Variants in WDR70 observed in about 807,000 individuals in gnomAD.
WDR70 encodes WD repeat-containing protein 70.
A neutral mutation model predicts 88.6 loss-of-function variants in WDR70; 53 were observed. The observed-to-expected ratio is 0.60, with a 90% CI of 0.48 to 0.75. The LOEUF is 0.75. Among genes scored for constraint, WDR70 ranks in the 30% least tolerant of loss-of-function variants. The pLI is 0.00. For missense variants in WDR70, 610 were observed against 823.2 expected (o/e 0.74, Z 3.17); for synonymous variants, 280 against 270.0 (o/e 1.04, Z -0.36).
At chr5:37,692,054 A>G (rs1746812451) in intron 10 of WDR70, among the ~76,000 whole-genome samples, 1 of 152,210 alleles carries the variant, frequency 6.6e-6, no homozygotes, top group South Asian at 2.1e-4. Flanking sequence ...AATACAAACT[A>G]CCATCAAAGA....
At chr5:37,675,840 A>G (rs1394207330) in intron 10 of WDR70, among the ~76,000 whole-genome samples, 1 of 152,018 alleles carries the variant, frequency 6.6e-6, no homozygotes, top group Non-Finnish European at 1.5e-5. Flanking sequence ...GGCCATTTTC[A>G]CGATATTTAT....
intron 9 of WDR70, among the ~76,000 whole-genome samples, chr5:37,532,539 T>C (rs1410740935): frequency 6.6e-6 from 1 of 152,130 alleles, no homozygotes; most frequent in East Asian, 1.9e-4. Flanking sequence ...CTTCTGCTTG[T>C]TCAGTTCTAT....
intron 8 of WDR70, among the ~76,000 whole-genome samples, chr5:37,503,165 A>AT (rs1740454256): frequency 1.3e-5 from 2 of 151,534 alleles, no homozygotes; most frequent in South Asian, 4.2e-4. Flanking sequence ...TTTTGGTTAC[A>AT]TTTTTTCCTA....
At chr5:37,461,539 A>G (rs1739003815) in intron 7 of WDR70, among the ~76,000 whole-genome samples, 1 of 151,988 alleles carries the variant, frequency 6.6e-6, no homozygotes, top group African/African-American at 2.4e-5. Context: ...GCTGGAGTGC[A>G]GTGGCGCCAT....
intron 10 of WDR70, among the ~76,000 whole-genome samples, chr5:37,664,839 A>G (rs778381762): frequency 3.3e-5 from 5 of 152,256 alleles, no homozygotes; most frequent in Non-Finnish European, 7.3e-5. Flanking sequence ...TTGTTCTTCT[A>G]TAAGATCAGC....
intron 17 of WDR70, among the ~76,000 whole-genome samples, chr5:37,730,598 A>G (rs1183587182): frequency 6.6e-6 from 1 of 152,108 alleles, no homozygotes; most frequent in Non-Finnish European, 1.5e-5. Flanking sequence ...CCATTCTTCT[A>G]TGTAAGGATA....
chr5:37,608,594 C>A (rs1006483771), intron 10 of WDR70, among the ~76,000 whole-genome samples: 11 of 151,184 alleles, frequency 7.3e-5, no homozygotes, highest in African/African-American at 2.7e-4. Context: ...CTCACTCTGT[C>A]ACTCAGGCTA....
rs28839486 is a variant in WDR70, at chr5:37,746,898, C to G, written c.1878-5588C>G. On this transcript the variant is annotated intron_variant, in intron 17 of 17. Coordinates refer to ENST00000265107, the MANE Select transcript of WDR70 (RefSeq NM_018034.4). ...ATTCCAAACAATTGAAAAGGAGGGA[C>G]TCCTCCCTAACTCATTTTATGAAGC... Among the ~76,000 whole-genome samples the G allele has an allele frequency of 3.0e-3, 452 of 152,216 alleles. 1 individual carries two copies. The highest frequency in any genetic ancestry group is 0.011 in the African/African-American group (442 of 41,546).
intron 8 of WDR70, among the ~76,000 whole-genome samples, chr5:37,504,247 T>A (rs1740491874): frequency 6.6e-6 from 1 of 151,584 alleles, no homozygotes; most frequent in Non-Finnish European, 1.5e-5. Flanking sequence ...GTTGATGATA[T>A]TTGAGTGAGT....
rs201727478 is a variant in WDR70, at chr5:37,730,748, T to C, written c.1877+3703T>C. On this transcript the variant is annotated intron_variant, in intron 17 of 17. Coordinates refer to ENST00000265107, the MANE Select transcript of WDR70 (RefSeq NM_018034.4). ...GTATTCCTAAAGTTTTCTCTTTAAT[T>C]GTGAGAAAACTGGATGCTGATTACT... 5.9e-5 allele frequency among the ~76,000 whole-genome samples: 9 copies of C among 152,294 alleles called. No homozygotes were observed. In the East Asian group the frequency reaches 7.7e-4, roughly 13 times the overall value.
intron 7 of WDR70, among the ~76,000 whole-genome samples, chr5:37,455,288 A>C (rs1313518977): frequency 7.2e-6 from 1 of 139,298 alleles, no homozygotes; most frequent in Non-Finnish European, 1.5e-5. Context: ...TCTGTTGCCC[A>C]GGCTGGAGTG....
chr5:37,516,464 T>C, intron 8 of WDR70, 50 bp from the exon 9 acceptor site: 1 of 1,189,622 alleles, frequency 8.4e-7, no homozygotes, highest in Non-Finnish European at 1.2e-6. Flanking sequence ...GTCAGTTTAT[T>C]TTTTACCTTT....
intron 8 of WDR70, among the ~76,000 whole-genome samples, chr5:37,484,017 C>T (rs1172576617): frequency 6.6e-6 from 1 of 151,794 alleles, no homozygotes; most frequent in Non-Finnish European, 1.5e-5. Context: ...CAGAGACGCT[C>T]CTCACTTCCT....
At chr5:37,583,433 A>AG (rs1165986380) in intron 9 of WDR70, among the ~76,000 whole-genome samples, 1 of 151,900 alleles carries the variant, frequency 6.6e-6, no homozygotes, top group Non-Finnish European at 1.5e-5. Context: ...AAAAAAAAAA[A>AG]AAAAGAATAG....
chr5:37,379,479 C>T lies in WDR70; in HGVS notation c.26-10C>T. 6.2e-7 allele frequency: 1 copy of T among 1,613,966 alleles called. No homozygotes were observed. The highest frequency in any genetic ancestry group is 1.7e-4 in the Middle Eastern group (1 of 6,050). On this transcript the variant is annotated splice_polypyrimidine_tract_variant and intron_variant, in intron 1 of 17. Transcript: ENST00000265107. Reference sequence around the variant, plus strand: ...CTAACTAGGCCGCCTCTCTTTTCCTCTTGCTCCAGTGACAGGCTCAGACGC... The same window carrying T: ...CTAACTAGGCCGCCTCTCTTTTCCTTTTGCTCCAGTGACAGGCTCAGACGC...
chr5:37,384,951 C>T (rs1162041854), intron 3 of WDR70, among the ~76,000 whole-genome samples: 1 of 152,180 alleles, frequency 6.6e-6, no homozygotes, highest in African/African-American at 2.4e-5. Flanking sequence ...GTGACCAGTG[C>T]TTCTAATCTA....
intron 9 of WDR70, among the ~76,000 whole-genome samples, chr5:37,588,604 A>G (rs892315658): frequency 6.6e-6 from 1 of 151,020 alleles, no homozygotes; most frequent in African/African-American, 2.4e-5. Flanking sequence ...TAGAGATGGG[A>G]GTCACTCTGT....
chr5:37,502,823 G>A (rs1400364702), intron 8 of WDR70, among the ~76,000 whole-genome samples: 1 of 152,066 alleles, frequency 6.6e-6, no homozygotes. Context: ...GAGAGTGAGC[G>A]GGGACTTGTT....
At chr5:37,549,924 C>G (rs1227481715) in intron 9 of WDR70, among the ~76,000 whole-genome samples, 7 of 151,578 alleles carry the variant, frequency 4.6e-5, no homozygotes, top group African/African-American at 1.7e-4. Context: ...TGCAGTGGCA[C>G]CATCTTGGCT....
Sources: gnomAD v4.1 joint callset for allele counts (sites outside exome capture counted in the v4.1 genomes callset) on GRCh38, gnomAD v4.1.1 for gene constraint, MANE v1.5 for transcripts, NCBI Gene and HGNC (gene_info 2026-07-23, HGNC 2026-07-21) for gene names.